The following DNAH5 variants were observed in gnomAD, a reference collection of about 807,000 sequenced individuals.
DNAH5 encodes the protein dynein axonemal heavy chain 5, also known as axonemal beta dynein heavy chain 5.
Under a neutral mutation model 518.2 loss-of-function variants are expected in DNAH5, and 372 were observed. The observed-to-expected ratio is 0.72, with a 90% CI of 0.66 to 0.78. The LOEUF is 0.78. Ranked by LOEUF, DNAH5 falls within the 30% of genes least tolerant of loss-of-function variation. The pLI, the probability that DNAH5 is intolerant of heterozygous loss-of-function variation, is 0.00. For missense variants in DNAH5, 5,523 were observed against 5,687.0 expected, an observed-to-expected ratio of 0.97 and a Z score of 0.93; for synonymous variants, 2,039 against 2,025.9, an observed-to-expected ratio of 1.01 and a Z score of -0.17.
chr5:13,839,545 A>G lies in DNAH5; in HGVS notation c.5710-17T>C. The stretch of plus-strand genomic sequence containing the variant: ...CATATGACACTGAAATTCAAAAGGT[A>G]TATGTTAGAGCTCTGATGAGAATCA... On this transcript the variant is annotated splice_polypyrimidine_tract_variant and intron_variant, in intron 34 of 78. Coordinates refer to ENST00000265104, the MANE Select transcript of DNAH5 (RefSeq NM_001369.3). 1.9e-6 allele frequency: 3 copies of G among 1,605,622 alleles called. No homozygotes were observed. The highest frequency in any genetic ancestry group is 2.6e-6 in the Non-Finnish European group (3 of 1,172,878).
At chr5:13,737,140 T>C (rs536116395) in intron 66 of DNAH5, 112 bp downstream of exon 66, 1 of 1,528,498 alleles carries the variant, frequency 6.5e-7, no homozygotes, top group African/African-American at 1.4e-5. Context: ...ACAAAACACC[T>C]CCACTTTGCA....
At chr5:13,982,696 G>GTGAGTAGACGTATGCACTATTGCATGAA (rs1561041479) in intron 1 of DNAH5, among the ~76,000 whole-genome samples, 6 of 11,174 alleles carry the variant, frequency 5.4e-4, no homozygotes, top group South Asian at 4.7e-3. Context: ...TATTGCATGA[G>GTGAGTAGACGTATGCACTATTGCATGAA]TGAGTAGACA....
intron 76 of DNAH5, among the ~76,000 whole-genome samples, chr5:13,704,559 G>T (rs1000178106): frequency 1.3e-4 from 20 of 152,198 alleles, no homozygotes; most frequent in African/African-American, 4.8e-4. Flanking sequence ...GCGGAGAAAA[G>T]AGCTAGTTAT....
At chr5:13,786,465 G>T in intron 51 of DNAH5, 114 bp from the exon 52 acceptor site, 1 of 1,113,736 alleles carries the variant, frequency 9.0e-7, no homozygotes, top group Non-Finnish European at 1.3e-6. Context: ...TTCATTTTAA[G>T]CTAAATGCCA....
chr5:13,795,348 T>C (rs542698407), intron 47 of DNAH5, among the ~76,000 whole-genome samples: 16 of 151,630 alleles, frequency 1.1e-4, no homozygotes, highest in African/African-American at 2.9e-4. Context: ...ATAGATGCAA[T>C]AAAAAATGAT....
At chr5:13,775,044 A>G (rs1753873711) in intron 55 of DNAH5, among the ~76,000 whole-genome samples, 1 of 151,982 alleles carries the variant, frequency 6.6e-6, no homozygotes, top group African/African-American at 2.4e-5. Context: ...CTTGAGTTTT[A>G]AAATCTTTTT....
At chr5:13,704,745 T>C (rs777074234) in intron 76 of DNAH5, among the ~76,000 whole-genome samples, 15 of 152,258 alleles carry the variant, frequency 9.9e-5, no homozygotes, top group Middle Eastern at 6.8e-3. Flanking sequence ...ATCTCCATTA[T>C]GCTAGGTGAA....
chr5:13,770,368 A>G (rs898649985), intron 56 of DNAH5, among the ~76,000 whole-genome samples: 2 of 152,078 alleles, frequency 1.3e-5, no homozygotes, highest in African/African-American at 4.8e-5. Context: ...TGCATTCGCA[A>G]CTCCCGTCCA....
chr5:13,978,907 A>G (rs1782473157), intron 1 of DNAH5, among the ~76,000 whole-genome samples: 1 of 152,110 alleles, frequency 6.6e-6, no homozygotes, highest in South Asian at 2.1e-4. Flanking sequence ...TTCTCTAGAG[A>G]ACCCTGGCTA....
chr5:13,704,695 T>C (rs1742555494), intron 76 of DNAH5, among the ~76,000 whole-genome samples: 1 of 152,212 alleles, frequency 6.6e-6, no homozygotes, highest in Admixed American at 6.5e-5. Flanking sequence ...ATCCGGTTCT[T>C]TGGTTCCATG....
intron 1 of DNAH5, among the ~76,000 whole-genome samples, chr5:13,963,073 C>T (rs541395709): frequency 8.9e-4 from 135 of 152,174 alleles, no homozygotes; most frequent in African/African-American, 3.1e-3. Context: ...TATACTGTTC[C>T]TATCACTGCT....
rs920318129 is a variant in DNAH5, at chr5:13,714,344, A to C, written c.13125+61T>G. The stretch of plus-strand genomic sequence containing the variant: ...TTTTTGCCCTCCTTTCTTCTTCCTC[A>C]CTCTCCCAACCGAAGATATGCAACC... On this transcript the variant is annotated intron_variant, in intron 75 of 78. Coordinates refer to ENST00000265104, the MANE Select transcript of DNAH5 (RefSeq NM_001369.3). 6 of 1,529,924 alleles carry C rather than the reference A, an allele frequency of 3.9e-6. No individual in the cohort carries two copies. In the Admixed American group the frequency reaches 1.0e-4, roughly 26 times the overall value. The allele number at this position is 1,529,924 out of a possible 1,614,324, so 94.8% of individuals were successfully genotyped here.
At chr5:13,694,803 C>G (rs1486002580) in intron 78 of DNAH5, among the ~76,000 whole-genome samples, 1 of 152,168 alleles carries the variant, frequency 6.6e-6, no homozygotes, top group Non-Finnish European at 1.5e-5. Flanking sequence ...TTAACATACA[C>G]TATTTCTTTC....
chr5:13,910,330 C>T (rs1272280500), intron 12 of DNAH5, among the ~76,000 whole-genome samples: 1 of 152,168 alleles, frequency 6.6e-6, no homozygotes, highest in African/African-American at 2.4e-5. Flanking sequence ...GTAACAAGAG[C>T]ACCCACTTTA....
rs1342809439 is a variant in DNAH5 at position 13,714,427 on chromosome 5, G to A, written c.13103C>T (p.Pro4368Leu). 1 of 1,614,084 alleles carries A rather than the reference G, an allele frequency of 6.2e-7. No individual in the cohort carries two copies. Among genetic ancestry groups the A allele is most frequent in the East Asian group, 2.2e-5 (1 of 44,880 alleles). The part of the protein sequence containing the change: ...RLADDMLEKL[P>L]PDYVPFEVKE... ...CACTTCAAAGGGGACATAGTCTGGG[G>A]GCAGCTTCTCCAGCATATCATCAGC... is the stretch of plus-strand genomic sequence containing the variant. The change falls in exon 75 of 79, where the codon CCC (proline) becomes CTC (leucine). Residue 4368 changes from proline (P) to leucine (L), a missense_variant. By Grantham distance (98) the Pro-to-Leu change is moderately conservative (BLOSUM62 -3). This residue lies in a region of DNAH5 where 387 missense variants were observed against 430.0 expected (regional missense o/e 0.90). Transcript: ENST00000265104.
At chr5:13,985,357 A>G (rs1294207792) in intron 1 of DNAH5, among the ~76,000 whole-genome samples, 1 of 151,002 alleles carries the variant, frequency 6.6e-6, no homozygotes, top group African/African-American at 2.4e-5. Flanking sequence ...CAGCACACCA[A>G]CATGGCATGT....
intron 14 of DNAH5, chr5:13,900,715 T>A: frequency 2.4e-6 from 1 of 424,050 alleles, no homozygotes; most frequent in Admixed American, 3.9e-5. Flanking sequence ...CCTGATACCT[T>A]CATGCCTACT....
intron 5 of DNAH5, among the ~76,000 whole-genome samples, chr5:13,921,643 T>A (rs1365338441): frequency 6.6e-6 from 1 of 151,948 alleles, no homozygotes; most frequent in Non-Finnish European, 1.5e-5. Context: ...CTTTTGATCA[T>A]TGGCTGAATC....
chr5:13,991,596 G>A (rs1281275153), intron 1 of DNAH5, among the ~76,000 whole-genome samples: 1 of 150,972 alleles, frequency 6.6e-6, no homozygotes, highest in Non-Finnish European at 1.5e-5. Flanking sequence ...GGAGGGGGAA[G>A]AGGAGGAGGA....
Sources: allele counts gnomAD v4.1 joint callset (sites outside exome capture counted in the v4.1 genomes callset), GRCh38; gene constraint gnomAD v4.1.1; regional missense constraint gnomAD v4.1.1; transcripts MANE v1.5; gene names NCBI Gene and HGNC (gene_info 2026-07-23, HGNC 2026-07-21).